The following CASP6 variants were observed in gnomAD, a reference collection of about 807,000 sequenced individuals.
CASP6 encodes caspase 6.
Under a neutral mutation model 31.8 loss-of-function variants are expected in CASP6, and 20 were observed. The observed-to-expected ratio is 0.63, with a 90% CI of 0.44 to 0.91. The LOEUF (loss-of-function observed/expected upper bound fraction) is 0.91. Ranked by LOEUF, CASP6 falls within the 40% of genes least tolerant of loss-of-function variation. The pLI is 0.00. For missense variants in CASP6, 328 were observed against 361.1 expected (o/e 0.91, Z 0.74); for synonymous variants, 130 against 127.8 (o/e 1.02, Z -0.12).
chr4:109,703,227 C>T, intron 1 of CASP6, 129 bp downstream of exon 1: 2 of 1,059,012 alleles, frequency 1.9e-6, no homozygotes, highest in Non-Finnish European at 2.7e-6. Context: ...TTCTCCAGGC[C>T]GCCCTGCAAA....
the CASP6 span, among the ~76,000 whole-genome samples, chr4:109,682,250 CT>C: frequency 6.6e-6 from 1 of 151,828 alleles, no homozygotes; most frequent in East Asian, 1.9e-4. Flanking sequence ...GCCAGAGAGC[CT>C]TTCTTGTAGC....
At chr4:109,687,478 C>T (rs776435948), downstream of CASP6, 30 of 1,441,714 alleles carry the variant, frequency 2.1e-5, 2 homozygotes, top group South Asian at 3.3e-4. Flanking sequence ...TGTTTCTCTT[C>T]TTTCTGATCA....
the CASP6 span, among the ~76,000 whole-genome samples, chr4:109,666,435 G>T: frequency 2.6e-5 from 4 of 152,172 alleles, no homozygotes; most frequent in Non-Finnish European, 5.9e-5. Flanking sequence ...GAGAATTCCT[G>T]TTGCCCCATA....
the CASP6 span, among the ~76,000 whole-genome samples, chr4:109,679,136 C>T: frequency 0.011 from 1,657 of 149,696 alleles, 37 homozygotes; most frequent in African/African-American, 0.038. Context: ...ACGGGATGGC[C>T]GGGCAGAGGT....
the CASP6 span, among the ~76,000 whole-genome samples, chr4:109,676,328 C>T: frequency 6.6e-6 from 1 of 152,144 alleles, no homozygotes; most frequent in African/African-American, 2.4e-5. Flanking sequence ...CACTTGAGGT[C>T]AGGAGTTTGA....
chr4:109,682,466 T>G, the CASP6 span: 1 of 807,180 alleles, frequency 1.2e-6, no homozygotes, highest in South Asian at 1.7e-5. Flanking sequence ...TACACCAGCT[T>G]CCTTACCCTG....
At chr4:109,698,006 C>A (rs1173360990) in intron 2 of CASP6, among the ~76,000 whole-genome samples, 1 of 152,218 alleles carries the variant, frequency 6.6e-6, no homozygotes, top group African/African-American at 2.4e-5. Context: ...GCCTTGATGT[C>A]TTTCCCCTGG....
the CASP6 span, among the ~76,000 whole-genome samples, chr4:109,674,351 TCACCTAAATG>T: frequency 6.6e-6 from 1 of 152,212 alleles, no homozygotes. Flanking sequence ...CTTAAACATG[TCACCTAAATG>T]CACTTGATGG....
the CASP6 span, among the ~76,000 whole-genome samples, chr4:109,677,860 C>T: frequency 2.0e-3 from 213 of 104,272 alleles, 1 homozygote; most frequent in Middle Eastern, 6.8e-3. Context: ...GGGTGTTTCT[C>T]GGAGAGGGGG....
At chr4:109,678,351 C>A in the CASP6 span, among the ~76,000 whole-genome samples, 1 of 152,222 alleles carries the variant, frequency 6.6e-6, no homozygotes, top group South Asian at 2.1e-4. Flanking sequence ...GTTGGGTACA[C>A]CTCCCAGGTG....
chr4:109,699,714 C>T lies in CASP6; in HGVS notation c.41-1372G>A, dbSNP rs5030545. On this transcript the variant is annotated intron_variant, in intron 1 of 6. Transcript: ENST00000265164. Reference sequence around the variant, plus strand: ...AGCAACCTCTCCAACTGGTCCTCCCCGCTGCATGGCAGATGAGAAAGCTGT... The same window carrying T: ...AGCAACCTCTCCAACTGGTCCTCCCTGCTGCATGGCAGATGAGAAAGCTGT... Among the ~76,000 whole-genome samples the T allele has an allele frequency of 8.9e-3, 1,350 of 152,266 alleles. 52 individuals are homozygous for T. Among genetic ancestry groups the T allele is most frequent in the East Asian group, 0.084 (433 of 5,184 alleles).
intron 5 of CASP6, among the ~76,000 whole-genome samples, chr4:109,691,824 A>C (rs1160873538): frequency 2.6e-5 from 4 of 152,220 alleles, no homozygotes; most frequent in Non-Finnish European, 5.9e-5. Flanking sequence ...TGGGACACAG[A>C]CATGCACAGA....
At chr4:109,700,595 GT>G (rs1417175224) in intron 1 of CASP6, among the ~76,000 whole-genome samples, 1 of 151,704 alleles carries the variant, frequency 6.6e-6, no homozygotes, top group Non-Finnish European at 1.5e-5. Context: ...TTTTTTTTAA[GT>G]TTTTTGTTGT....
chr4:109,668,108 G>T, the CASP6 span, among the ~76,000 whole-genome samples: 2 of 152,010 alleles, frequency 1.3e-5, no homozygotes, highest in Non-Finnish European at 2.9e-5. Context: ...AATGTGTATT[G>T]TGCTGTTGTT....
At chr4:109,685,337 AT>A (rs1186525307), downstream of CASP6, 1 of 1,569,114 alleles carries the variant, frequency 6.4e-7, no homozygotes, top group African/African-American at 1.4e-5. Flanking sequence ...ATGTGCAGCA[AT>A]ACAACAAGTT....
rs576861742 is a variant in CASP6, at chr4:109,699,543, T to A, written c.41-1201A>T. 2.0e-4 allele frequency among the ~76,000 whole-genome samples: 30 copies of A among 152,346 alleles called. No individual in the cohort carries two copies. In the South Asian group the frequency reaches 6.0e-3, roughly 31 times the overall value. Reference sequence around the variant, plus strand: ...TCTGTACGCCCTAAGTCAGTTTTGCTCAACCTTGGGCATCAGAATTCCTGG... The same window carrying A: ...TCTGTACGCCCTAAGTCAGTTTTGCACAACCTTGGGCATCAGAATTCCTGG... On this transcript the variant is annotated intron_variant, in intron 1 of 6. Transcript: ENST00000265164.
the CASP6 span, among the ~76,000 whole-genome samples, chr4:109,671,848 G>A: frequency 6.6e-6 from 1 of 152,050 alleles, no homozygotes; most frequent in East Asian, 1.9e-4. Context: ...AGCTGAATAG[G>A]TCTTTAGTGT....
chr4:109,692,764 C>G lies in CASP6; in HGVS notation c.484-1755G>C, dbSNP rs567896718. ...AGGCCACCTGTCTTAGGTTCTACAC[C>G]TGTATGACCAATTCCATGTCCCACA... On this transcript the variant is annotated intron_variant, in intron 5 of 6. Coordinates refer to ENST00000265164, the MANE Select transcript of CASP6 (RefSeq NM_001226.4). The G allele has an allele frequency of 2.6e-5, 4 of 152,346 alleles. No homozygotes were observed. The East Asian group carries it at 7.7e-4, about 29-fold the overall frequency. The allele number at this position is 152,346 out of a possible 1,614,324, so 9.4% of individuals were successfully genotyped here.
At chr4:109,699,270 C>T (rs1043946604) in intron 1 of CASP6, among the ~76,000 whole-genome samples, 1 of 152,156 alleles carries the variant, frequency 6.6e-6, no homozygotes, top group African/African-American at 2.4e-5. Context: ...AAGATGCACC[C>T]TTCAGTTGAG....
Sources: gnomAD v4.1 joint callset for allele counts (sites outside exome capture counted in the v4.1 genomes callset) on GRCh38, gnomAD v4.1.1 for gene constraint, MANE v1.5 for transcripts, NCBI Gene and HGNC (gene_info 2026-07-23, HGNC 2026-07-21) for gene names.